Variants in NAV1 observed in about 807,000 individuals in gnomAD.
NAV1 encodes the protein pore membrane and/or filament interacting like protein 3.
In NAV1, 18 loss-of-function variants were observed where a neutral mutation model predicts 175.2. The observed-to-expected ratio is 0.10, with a 90% CI of 0.07 to 0.15. The LOEUF (loss-of-function observed/expected upper bound fraction) is 0.15. NAV1 is among the 10% of genes least tolerant of loss of function. The pLI is 1.00. For synonymous variants in NAV1, 897 were observed against 978.7 expected (o/e 0.92, Z 1.56); for missense variants, 1,731 against 2,436.6 (o/e 0.71, Z 6.10).
chr1:201,729,159 G>A (rs1672738762), intron 3 of NAV1, among the ~76,000 whole-genome samples: 1 of 152,178 alleles, frequency 6.6e-6, no homozygotes, highest in Admixed American at 6.5e-5. Context: ...TGATAAGCCA[G>A]CTGAGCTTGT....
intron 7 of NAV1, among the ~76,000 whole-genome samples, chr1:201,784,850 T>C (rs1676609723): frequency 3.3e-5 from 5 of 152,072 alleles, no homozygotes; most frequent in East Asian, 1.9e-4. Context: ...CACTTGCAAG[T>C]TCCACCTCCT....
exon 30 of NAV1, chr1:201,824,896 C>T (rs886241136): frequency 2.0e-5 from 3 of 152,282 alleles, no homozygotes; most frequent in South Asian, 2.1e-4. Context: ...CGGCAATCCA[C>T]GTTTTAATAA....
At chr1:201,798,929 T>C (rs1427486849) in intron 15 of NAV1, among the ~76,000 whole-genome samples, 2 of 151,938 alleles carry the variant, frequency 1.3e-5, no homozygotes, top group African/African-American at 2.4e-5. Context: ...CTCGAACTGC[T>C]GGCCTCAGGT....
chr1:201,715,123 A>G (rs189523342), intron 2 of NAV1, among the ~76,000 whole-genome samples: 21 of 150,614 alleles, frequency 1.4e-4, no homozygotes, highest in African/African-American at 5.1e-4. Context: ...TTCCTGTTCC[A>G]CACTGGTAGC....
rs1676386417 is a variant in NAV1, at chr1:201,782,401, A to G, written c.1889A>G (p.Lys630Arg). The change falls in exon 6 of 30, where the codon AAG (lysine) becomes AGG (arginine). Residue 630 changes from lysine to arginine, a missense_variant. This residue lies in a region of NAV1 where 634 missense variants were observed against 766.8 expected (regional missense o/e 0.83). Transcript: ENST00000367296. The surrounding 1 kb of genome is among the most constrained non-coding windows in gnomAD (Gnocchi z 5.4). ...ACTGGTGGTTCAGCCACTCTCAGCA[A>G]GATCCAGAAGTCCTCAGGCATCCCT... 1 of 1,613,998 alleles carries G rather than the reference A, an allele frequency of 6.2e-7. No individual in the cohort carries two copies. Among genetic ancestry groups the G allele is most frequent in the Non-Finnish European group, 8.5e-7 (1 of 1,179,980 alleles).
chr1:201,785,459 T>C (rs1676673913), intron 8 of NAV1, 108 bp downstream of exon 12: 3 of 1,171,574 alleles, frequency 2.6e-6, no homozygotes, highest in Non-Finnish European at 3.7e-6. Context: ...AGTCACCCTT[T>C]TAGCTGAATC....
chr1:201,623,555 T>A, exon 1 of NAV1: 1 of 986,506 alleles, frequency 1.0e-6, no homozygotes, highest in Non-Finnish European at 1.2e-6. Flanking sequence ...TTCTCCTCAG[T>A]CCATCAGCAG....
chr1:201,701,922 A>G (rs1571893954), intron 1 of NAV1, among the ~76,000 whole-genome samples: 1 of 152,272 alleles, frequency 6.6e-6, no homozygotes, highest in Non-Finnish European at 1.5e-5. Flanking sequence ...ATATAAAGGC[A>G]TGGACGTGAA....
At chr1:201,665,848 A>G (rs1669804930) in intron 1 of NAV1, among the ~76,000 whole-genome samples, 1 of 150,932 alleles carries the variant, frequency 6.6e-6, no homozygotes, top group African/African-American at 2.4e-5. Context: ...TCTCTCAATT[A>G]TCTGTGCTAG....
At chr1:201,715,922 G>A (rs1281140203) in intron 2 of NAV1, among the ~76,000 whole-genome samples, 15 of 152,168 alleles carry the variant, frequency 9.9e-5, no homozygotes, top group Admixed American at 9.8e-4. Context: ...AAGGGTGGGT[G>A]CAGGGCTGGA....
intron 1 of NAV1, among the ~76,000 whole-genome samples, chr1:201,562,079 A>G (rs1330692693): frequency 6.6e-6 from 1 of 151,806 alleles, no homozygotes; most frequent in East Asian, 1.9e-4. Context: ...ATCATAGCTC[A>G]CTGCAGCCTT....
upstream of NAV1, among the ~76,000 whole-genome samples, chr1:201,646,982 G>A (rs1558033893): frequency 6.6e-6 from 1 of 152,226 alleles, no homozygotes; most frequent in African/African-American, 2.4e-5. Context: ...GGGAGGAAAG[G>A]AGCTAGAGAG....
At chr1:201,675,031 CAAA>C (rs35348125) in intron 1 of NAV1, among the ~76,000 whole-genome samples, 10 of 84,224 alleles carry the variant, frequency 1.2e-4, no homozygotes, top group Admixed American at 1.3e-4. Context: ...GACTCTGTCT[CAAA>C]AAAAAAAAAA....
At chr1:201,571,305 T>C (rs1429541914) in intron 1 of NAV1, among the ~76,000 whole-genome samples, 8 of 152,258 alleles carry the variant, frequency 5.3e-5, no homozygotes, top group Admixed American at 3.9e-4. Context: ...GATGTGATCA[T>C]GTGTGCAGGG....
upstream of NAV1, among the ~76,000 whole-genome samples, chr1:201,620,706 T>C (rs979792689): frequency 2.0e-5 from 3 of 152,072 alleles, no homozygotes; most frequent in Non-Finnish European, 4.4e-5. Context: ...TGACCTCAGT[T>C]GATCCGCCTG....
rs1678754906 is a variant in NAV1 at position 201,812,479 on chromosome 1, C to T, written c.5039C>T (p.Ser1680Phe). The change falls in exon 27 of 30, where the codon TCC becomes TTC. Residue 1680 changes from serine (S) to phenylalanine (F), a missense_variant. By Grantham distance (155) the Ser-to-Phe change is radical. This residue lies in a region of NAV1 where 115 missense variants were observed against 269.4 expected (regional missense o/e 0.43). Transcript: ENST00000367296. The surrounding 1 kb of genome is among the most constrained non-coding windows in gnomAD (Gnocchi z 4.6). ...CTTGGTGGCAGGATGTTGACCTTCT[C>T]CAACAACGTGGAGCCAGCCAATGGC... is the stretch of plus-strand genomic sequence containing the variant. 6.2e-7 allele frequency: 1 copy of T among 1,614,152 alleles called. No individual in the cohort carries two copies. The highest frequency in any genetic ancestry group is 8.5e-7 in the Non-Finnish European group (1 of 1,180,028).
At chr1:201,778,002 T>C (rs146042474) in intron 3 of NAV1, among the ~76,000 whole-genome samples, 1 of 152,108 alleles carries the variant, frequency 6.6e-6, no homozygotes, top group African/African-American at 2.4e-5. Context: ...GCATCTCCAG[T>C]GGAGATGCTT....
exon 29 of NAV1, chr1:201,817,214 A>G: frequency 6.2e-7 from 1 of 1,614,170 alleles, no homozygotes. Flanking sequence ...GGGCCCTCAC[A>G]GCATTGCCTC....
At chr1:201,552,583 T>C (rs1427033358) in intron 1 of NAV1, among the ~76,000 whole-genome samples, 1 of 152,100 alleles carries the variant, frequency 6.6e-6, no homozygotes, top group Non-Finnish European at 1.5e-5. Flanking sequence ...CTCAATTTTC[T>C]CGTCTGTAAA....
Sources: allele counts gnomAD v4.1 joint callset (sites outside exome capture counted in the v4.1 genomes callset), GRCh38; gene constraint gnomAD v4.1.1; regional missense constraint gnomAD v4.1.1; non-coding constraint Gnocchi (gnomAD v3.1); transcripts MANE v1.5; gene names NCBI Gene and HGNC (gene_info 2026-07-23, HGNC 2026-07-21).